The following EEFSEC variants were observed in gnomAD, a reference collection of about 807,000 sequenced individuals.
EEFSEC encodes the protein eukaryotic elongation factor, selenocysteine-tRNA specific.
Under a neutral mutation model 42.1 loss-of-function variants are expected in EEFSEC, and 43 were observed. The observed-to-expected ratio is 1.02, with a 90% CI of 0.80 to 1.32. EEFSEC has a LOEUF of 1.32. Ranked by LOEUF, EEFSEC falls within the 40% of genes most tolerant of loss-of-function variation. The pLI is 0.00. For synonymous variants in EEFSEC, 354 were observed against 339.1 expected, an observed-to-expected ratio of 1.04 and a Z score of -0.48; for missense variants, 745 against 803.6, an observed-to-expected ratio of 0.93 and a Z score of 0.88.
intron 5 of EEFSEC, among the ~76,000 whole-genome samples, chr3:128,352,631 G>A (rs558665016): frequency 1.3e-5 from 2 of 152,214 alleles, no homozygotes; most frequent in Non-Finnish European, 2.9e-5. Context: ...CCATTGAGTC[G>A]CAGGGGTGCA....
chr3:128,219,463 C>T (rs1269282313), intron 1 of EEFSEC, among the ~76,000 whole-genome samples: 2 of 152,150 alleles, frequency 1.3e-5, no homozygotes, highest in Non-Finnish European at 2.9e-5. Flanking sequence ...CTTGGGTCTT[C>T]CTTCTCCCCC....
At chr3:128,196,835 T>C (rs1288442848) in intron 1 of EEFSEC, among the ~76,000 whole-genome samples, 1 of 152,156 alleles carries the variant, frequency 6.6e-6, no homozygotes, top group East Asian at 1.9e-4. Flanking sequence ...CTGAGAGACC[T>C]CAAAGAGCCT....
chr3:128,341,774 G>C lies in EEFSEC; in HGVS notation c.1328G>C (p.Arg443Pro). The change falls in exon 5 of 7, where the codon CGG (arginine) becomes CCG (proline). Residue 443 changes from arginine to proline, a missense_variant. By Grantham distance (103) the Arg-to-Pro change is moderately radical. Coordinates refer to ENST00000254730, the MANE Select transcript of EEFSEC (RefSeq NM_021937.5). ...GCGGACATTCACACCAACACGTGCCGGCTAGCCTTCCATGGCATCCTGCTC... is the reference window on the plus strand; with the variant it reads ...GCGGACATTCACACCAACACGTGCCCGCTAGCCTTCCATGGCATCCTGCTC... ...LDADIHTNTCRLAFHGILLHG... is the reference protein window; with the variant it reads ...LDADIHTNTCPLAFHGILLHG... The C allele has an allele frequency of 6.2e-7, 1 of 1,614,092 alleles. No individual in the cohort carries two copies. The highest frequency in any genetic ancestry group is 2.2e-5 in the East Asian group (1 of 44,884).
intron 6 of EEFSEC, among the ~76,000 whole-genome samples, chr3:128,392,081 A>C (rs2067920074): frequency 6.6e-6 from 1 of 152,200 alleles, no homozygotes; most frequent in Non-Finnish European, 1.5e-5. Context: ...AGCTGAGGGC[A>C]GAGCTATGTG....
At position 128,344,954 on chromosome 3, in the gene EEFSEC, C is replaced by A. The variant is rs1458268392; in HGVS notation, c.1443+3065C>A. Reference sequence around the variant, plus strand: ...ATTGGCTGAGTTTGTTCCAAAGGGGCAGCCCTGTTTGCTTTGAGTAGGCCC... The same window carrying A: ...ATTGGCTGAGTTTGTTCCAAAGGGGAAGCCCTGTTTGCTTTGAGTAGGCCC... On this transcript the variant is annotated intron_variant, in intron 5 of 6. Transcript: ENST00000254730. Among the ~76,000 whole-genome samples the A allele has an allele frequency of 2.0e-5, 3 of 152,312 alleles. No individual in the cohort carries two copies. In the East Asian group the frequency reaches 5.8e-4, roughly 29 times the overall value.
intron 4 of EEFSEC, among the ~76,000 whole-genome samples, chr3:128,294,689 A>G (rs960406974): frequency 6.6e-5 from 10 of 152,130 alleles, no homozygotes; most frequent in Admixed American, 6.5e-4. Flanking sequence ...TCTTGGAGAC[A>G]TGGAGGGCTC....
In EEFSEC at chr3:128,341,899, C is replaced by A. The variant is rs1445169555; in HGVS notation, c.1443+10C>A. On this transcript the variant is annotated intron_variant, in intron 5 of 6. Transcript: ENST00000254730. The stretch of plus-strand genomic sequence containing the variant: ...TGGCCTTGTGGAGCGGGTGAGCATG[C>A]CCTTGCCTGGCCCCACACCCCTTCC... The A allele has an allele frequency of 6.2e-7, 1 of 1,607,092 alleles. No individual in the cohort carries two copies. Among genetic ancestry groups the A allele is most frequent in the Admixed American group, 1.7e-5 (1 of 59,836 alleles).
intron 6 of EEFSEC, among the ~76,000 whole-genome samples, chr3:128,363,637 A>G (rs895946374): frequency 1.3e-5 from 2 of 152,156 alleles, no homozygotes; most frequent in African/African-American, 2.4e-5. Context: ...CCTGCACCCA[A>G]TGCTGCCCCT....
At chr3:128,235,562 T>A (rs1435315293) in intron 1 of EEFSEC, among the ~76,000 whole-genome samples, 1 of 152,230 alleles carries the variant, frequency 6.6e-6, no homozygotes, top group Non-Finnish European at 1.5e-5. Context: ...CACTTCATGA[T>A]TTTTAAGCAT....
chr3:128,316,068 T>C (rs910241831), intron 4 of EEFSEC, among the ~76,000 whole-genome samples: 1 of 152,258 alleles, frequency 6.6e-6, no homozygotes, highest in Non-Finnish European at 1.5e-5. Flanking sequence ...AAAGACCAAG[T>C]CCTTTTGATC....
At chr3:128,211,461 ACT>A in intron 1 of EEFSEC, among the ~76,000 whole-genome samples, 1 of 152,056 alleles carries the variant, frequency 6.6e-6, no homozygotes. Flanking sequence ...GAGATAACAT[ACT>A]GTTACTTGAC....
At chr3:128,361,428 G>T (rs139251159) in intron 6 of EEFSEC, among the ~76,000 whole-genome samples, 1 of 152,246 alleles carries the variant, frequency 6.6e-6, no homozygotes, top group African/African-American at 2.4e-5. Context: ...AACTACAACT[G>T]TCTGTGCTAA....
chr3:128,225,021 G>A (rs941905423), intron 1 of EEFSEC, among the ~76,000 whole-genome samples: 17 of 152,228 alleles, frequency 1.1e-4, no homozygotes, highest in African/African-American at 4.1e-4. Context: ...GTTACCCCGA[G>A]TAGGGCGAAG....
chr3:128,247,822 G>C (rs1160449545), intron 2 of EEFSEC, among the ~76,000 whole-genome samples: 1 of 152,194 alleles, frequency 6.6e-6, no homozygotes, highest in Non-Finnish European at 1.5e-5. Context: ...AGCAGCAGAG[G>C]CTACTGAACT....
At chr3:128,412,246 C>T (rs2068179064), downstream of EEFSEC, among the ~76,000 whole-genome samples, 1 of 152,216 alleles carries the variant, frequency 6.6e-6, no homozygotes, top group African/African-American at 2.4e-5. Flanking sequence ...TCACTCTATT[C>T]TACAGGAAGC....
chr3:128,273,473 T>G (rs1391238617), intron 4 of EEFSEC, among the ~76,000 whole-genome samples: 1 of 152,196 alleles, frequency 6.6e-6, no homozygotes, highest in Non-Finnish European at 1.5e-5. Context: ...CTTTTTCCTG[T>G]GGAAGCTTGG....
chr3:128,247,886 G>A (rs1316450066), intron 2 of EEFSEC, among the ~76,000 whole-genome samples: 1 of 152,198 alleles, frequency 6.6e-6, no homozygotes, highest in Non-Finnish European at 1.5e-5. Context: ...GCAGAGCATG[G>A]AGGGAGGAGG....
Position 128,246,925 on chromosome 3 carries a change from A to C in EEFSEC, c.406A>C (p.Ile136Leu). 6.2e-7 allele frequency: 1 copy of C among 1,614,224 alleles called. No individual in the cohort carries two copies. Among genetic ancestry groups the C allele is most frequent in the Non-Finnish European group, 8.5e-7 (1 of 1,180,048 alleles). The change falls in exon 2 of 7, where the codon ATT becomes CTT. Residue 136 changes from isoleucine to leucine, a missense_variant. Ile to Leu is a conservative substitution (Grantham distance 5). Coordinates refer to ENST00000254730, the MANE Select transcript of EEFSEC (RefSeq NM_021937.5). ...AGCGGAATGCCTTGTGATCGGCCAG[A>C]TTGCCTGCCAGAAGCTGGTCGTGGT... ...QSAECLVIGQ[I>L]ACQKLVVVLN...
At chr3:128,306,925 G>A (rs960023576) in intron 4 of EEFSEC, among the ~76,000 whole-genome samples, 4 of 152,250 alleles carry the variant, frequency 2.6e-5, no homozygotes, top group African/African-American at 4.8e-5. Flanking sequence ...CGCACCATGG[G>A]TGAAACCCCA....
Sources: allele counts gnomAD v4.1 joint callset (sites outside exome capture counted in the v4.1 genomes callset), GRCh38; gene constraint gnomAD v4.1.1; transcripts MANE v1.5; gene names NCBI Gene and HGNC (gene_info 2026-07-23, HGNC 2026-07-21).